Variants in SNX29 observed in about 807,000 individuals in gnomAD.
SNX29 encodes sorting nexin-29.
In SNX29, 78 loss-of-function variants were observed where a neutral mutation model predicts 102.1. That is an observed-to-expected ratio of 0.76 (90% confidence interval 0.64 to 0.92). SNX29 has a LOEUF of 0.92. Among genes scored for constraint, SNX29 ranks in the 40% least tolerant of loss-of-function variants. SNX29 has a pLI of 0.00. For missense variants in SNX29, 1,280 were observed against 1,061.7 expected, an observed-to-expected ratio of 1.21 and a Z score of -2.86; for synonymous variants, 580 against 414.5, an observed-to-expected ratio of 1.40 and a Z score of -4.85.
At chr16:12,407,779 G>C (rs1424223563) in intron 18 of SNX29, among the ~76,000 whole-genome samples, 3 of 152,224 alleles carry the variant, frequency 2.0e-5, no homozygotes, top group Non-Finnish European at 2.9e-5. Flanking sequence ...GGTCTTTAGA[G>C]ATTCTGTGTT....
intron 14 of SNX29, among the ~76,000 whole-genome samples, chr16:12,201,109 A>G (rs1056025299): frequency 5.3e-5 from 8 of 152,328 alleles, no homozygotes; most frequent in African/African-American, 7.2e-5. Flanking sequence ...TGGTGATGCT[A>G]TTTGATAACA....
chr16:12,468,208 A>AAT (rs1555546153), intron 18 of SNX29, among the ~76,000 whole-genome samples: 1 of 107,728 alleles, frequency 9.3e-6, no homozygotes, highest in South Asian at 3.0e-4. Flanking sequence ...GGGGAGTTTT[A>AAT]CTGTTTCCCA....
At chr16:12,555,889 C>G (rs2078310629) in intron 20 of SNX29, among the ~76,000 whole-genome samples, 1 of 152,030 alleles carries the variant, frequency 6.6e-6, no homozygotes, top group Non-Finnish European at 1.5e-5. Context: ...TTTCTGCCCT[C>G]CTGTTCTTGG....
chr16:12,416,820 G>A (rs536192242), intron 18 of SNX29, among the ~76,000 whole-genome samples: 2 of 152,246 alleles, frequency 1.3e-5, no homozygotes, highest in Admixed American at 1.3e-4. Context: ...ATTCTCATGG[G>A]CAGGGCACCA....
intron 20 of SNX29, among the ~76,000 whole-genome samples, chr16:12,539,703 G>C (rs191681138): frequency 2.8e-4 from 43 of 152,328 alleles, no homozygotes; most frequent in Admixed American, 5.2e-4. Flanking sequence ...ATGTCATACT[G>C]TCATGATTCT....
At chr16:12,480,753 T>G (rs2087867316) in intron 19 of SNX29, among the ~76,000 whole-genome samples, 1 of 152,186 alleles carries the variant, frequency 6.6e-6, no homozygotes, top group African/African-American at 2.4e-5. Flanking sequence ...GATTTGAGTT[T>G]AGTGAGATGA....
rs574090459 is a variant in SNX29, at chr16:12,483,114, G to GTTTTTTTTTTTTTTTTTTTTT, written c.2178+5264_2178+5284dup. Among the ~76,000 whole-genome samples the GTTTTTTTTTTTTTTTTTTTTT allele has an allele frequency of 1.8e-4, 12 of 66,214 alleles. 1 individual carries two copies. Among genetic ancestry groups the GTTTTTTTTTTTTTTTTTTTTT allele is most frequent in the Admixed American group, 4.1e-4 (2 of 4,860 alleles). The allele number at this position is 66,214 out of a possible 152,430, so 43.4% of individuals were successfully genotyped here. On this transcript the variant is annotated intron_variant, in intron 19 of 20. Coordinates refer to ENST00000566228, the MANE Select transcript of SNX29 (RefSeq NM_032167.5). ...AATAGATACATATTGAAGTTATTAA[G>GTTTTTTTTTTTTTTTTTTTTT]TTTTTTTTTTTTTTTTTTTTTTTTT... is the stretch of plus-strand genomic sequence containing the variant.
intron 18 of SNX29, among the ~76,000 whole-genome samples, chr16:12,447,158 T>A (rs532252701): frequency 1.3e-3 from 118 of 91,678 alleles, no homozygotes; most frequent in African/African-American, 5.2e-3. Flanking sequence ...AGAGGGAGAC[T>A]CTGTCTCAAA....
intron 3 of SNX29, among the ~76,000 whole-genome samples, chr16:12,020,772 C>T (rs866748633): frequency 2.0e-5 from 3 of 151,918 alleles, no homozygotes; most frequent in African/African-American, 4.8e-5. Flanking sequence ...TACAGGCACT[C>T]GCCACCATGC....
chr16:12,235,565 A>G (rs556026440), intron 14 of SNX29, among the ~76,000 whole-genome samples: 3 of 151,868 alleles, frequency 2.0e-5, no homozygotes, highest in Non-Finnish European at 4.4e-5. Flanking sequence ...ACTTTCCTAT[A>G]TTGATATATT....
intron 15 of SNX29, among the ~76,000 whole-genome samples, chr16:12,342,889 A>G (rs911537500): frequency 2.0e-5 from 3 of 152,180 alleles, no homozygotes; most frequent in Non-Finnish European, 2.9e-5. Context: ...ACTGCTTGGC[A>G]CAAATGAATG....
At chr16:12,447,504 G>C (rs894130674) in intron 18 of SNX29, among the ~76,000 whole-genome samples, 2 of 152,154 alleles carry the variant, frequency 1.3e-5, no homozygotes, top group African/African-American at 4.8e-5. Context: ...AATAACAAAA[G>C]TCCAGAGAAA....
chr16:12,433,520 A>AT (rs963795574), intron 18 of SNX29, among the ~76,000 whole-genome samples: 2 of 151,886 alleles, frequency 1.3e-5, no homozygotes, highest in African/African-American at 4.8e-5. Context: ...AGTCCCAGCT[A>AT]CTAAAGAGGC....
rs550918249 is a variant in SNX29, at chr16:12,410,057, C to G, written c.2037+6528C>G. ...TCACCCAGGCTGGAGTGCAGTAGCG[C>G]AATCTCGGTTCACTGCAAGCTCCAC... On this transcript the variant is annotated intron_variant, in intron 18 of 20. Transcript: ENST00000566228. Among the ~76,000 whole-genome samples, 3 of 152,170 alleles carry G rather than the reference C, an allele frequency of 2.0e-5. No individual in the cohort carries two copies. In the East Asian group the frequency reaches 5.8e-4, roughly 29 times the overall value.
Position 12,518,286 on chromosome 16 carries a change from C to T in SNX29, c.2179-6416C>T, listed in dbSNP as rs559056623. 4.1e-4 allele frequency among the ~76,000 whole-genome samples: 62 copies of T among 152,304 alleles called. 1 individual carries two copies. Among genetic ancestry groups the T allele is most frequent in the Admixed American group, 3.2e-3 (49 of 15,298 alleles). On this transcript the variant is annotated intron_variant, in intron 19 of 20. Transcript: ENST00000566228. ...CCCGTTGGCTTTGTTCACTGGTCTA[C>T]GTGGCTCTGCACGGTTTTACTGCTG...
At chr16:12,546,460 C>G (rs544571599) in intron 20 of SNX29, 1 of 152,252 alleles carries the variant, frequency 6.6e-6, no homozygotes, top group South Asian at 2.1e-4. Context: ...CCTTATGAAA[C>G]CATCACATTC....
intron 13 of SNX29, among the ~76,000 whole-genome samples, chr16:12,157,425 T>C (rs1184303885): frequency 1.3e-5 from 2 of 152,140 alleles, no homozygotes; most frequent in African/African-American, 4.8e-5. Flanking sequence ...GGGGTCATGA[T>C]GTCTCCTAAA....
intron 20 of SNX29, chr16:12,527,365 A>G (rs1359320752): frequency 2.0e-6 from 1 of 505,542 alleles, no homozygotes; most frequent in South Asian, 1.6e-5. Context: ...AAAAAAAAAT[A>G]AAAAATAAAA....
intron 11 of SNX29, among the ~76,000 whole-genome samples, chr16:12,108,380 A>C (rs1409763123): frequency 6.6e-6 from 1 of 152,156 alleles, no homozygotes; most frequent in Non-Finnish European, 1.5e-5. Flanking sequence ...CATGAGAAAA[A>C]GACAACTGGG....
Sources: gnomAD v4.1 joint callset for allele counts (sites outside exome capture counted in the v4.1 genomes callset) on GRCh38, gnomAD v4.1.1 for gene constraint, MANE v1.5 for transcripts, NCBI Gene and HGNC (gene_info 2026-07-23, HGNC 2026-07-21) for gene names.